The following PMM1 variants were observed in gnomAD, a reference collection of about 807,000 sequenced individuals.
PMM1 encodes brain glucose-1,6-bisphosphatase.
PMM1 carries 25 observed loss-of-function variants against 34.0 expected under a neutral mutation model. That is an observed-to-expected ratio of 0.73 (90% CI 0.54 to 1.03). The LOEUF (loss-of-function observed/expected upper bound fraction) is 1.03. Among genes scored for constraint, PMM1 ranks in the 50% least tolerant of loss-of-function variants. PMM1 has a pLI of 0.00. For synonymous variants in PMM1, 134 were observed against 143.9 expected, an observed-to-expected ratio of 0.93 and a Z score of 0.49; for missense variants, 321 against 350.1, an observed-to-expected ratio of 0.92 and a Z score of 0.66.
intron 5 of PMM1, 74 bp downstream of exon 5, chr22:41,583,885 G>T: frequency 1.1e-6 from 1 of 939,536 alleles, no homozygotes; most frequent in Non-Finnish European, 1.8e-6. Flanking sequence ...CTATTTTACT[G>T]ATGAGAAAAT....
chr22:41,584,440 C>CT, intron 3 of PMM1, 68 bp from the exon 4 acceptor site: 1 of 1,574,652 alleles, frequency 6.4e-7, no homozygotes, highest in Admixed American at 1.7e-5. Context: ...CACAGTGTCT[C>CT]TCCCCCAGCC....
intron 6 of PMM1, among the ~76,000 whole-genome samples, 169 bp downstream of exon 6, chr22:41,578,637 C>T (rs1209546904): frequency 6.6e-6 from 1 of 151,974 alleles, no homozygotes; most frequent in Non-Finnish European, 1.5e-5. Context: ...AACTGGGGGC[C>T]AGTAAACACT....
intron 5 of PMM1, 137 bp downstream of exon 5, chr22:41,583,822 C>T: frequency 1.5e-6 from 1 of 662,024 alleles, no homozygotes; most frequent in Non-Finnish European, 2.7e-6. Context: ...ACAACAATGG[C>T]ACACAGTAGG....
chr22:41,577,284 T>C lies in PMM1; in HGVS notation c.*34A>G, dbSNP rs1436193897. On this transcript the variant is annotated 3_prime_UTR_variant, in exon 8 of 8. Transcript: ENST00000216259. The stretch of plus-strand genomic sequence containing the variant: ...CTCTCTTTAGGCCTAGGCCAAACTC[T>C]TCAGAAGTCACGACACACAGATGTG... The C allele has an allele frequency of 6.2e-7, 1 of 1,612,022 alleles. No homozygotes were observed. Among genetic ancestry groups the C allele is most frequent in the Non-Finnish European group, 8.5e-7 (1 of 1,179,902 alleles).
Position 41,577,753 on chromosome 22 carries a change from C to T in PMM1, c.666+55G>A, listed in dbSNP as rs1235601258. 8 of 1,346,692 alleles carry T rather than the reference C, an allele frequency of 5.9e-6. No homozygotes were observed. The Admixed American group carries it at 8.5e-5, about 14-fold the overall frequency. 83.4% of individuals were successfully genotyped at this position (1,346,692 alleles called of 1,614,324 possible). A position where few individuals can be genotyped will look rare whatever the true frequency, so the allele number is the denominator to read the frequency against. ...GATTTGCATTGGAGAAGCCACCAGACCTGGCTTCTCACTGTCCACTGCGTT... is the reference window on the plus strand; with the variant it reads ...GATTTGCATTGGAGAAGCCACCAGATCTGGCTTCTCACTGTCCACTGCGTT... On this transcript the variant is annotated intron_variant, in intron 7 of 7. Coordinates refer to ENST00000216259, the MANE Select transcript of PMM1 (RefSeq NM_002676.3).
In PMM1 at chr22:41,589,764, G is replaced by T; in HGVS notation, c.42C>A (p.Val14=). Residue 14 remains valine, a synonymous_variant, in exon 1 of 8, where the codon GTC becomes GTA. Coordinates refer to ENST00000216259, the MANE Select transcript of PMM1 (RefSeq NM_002676.3). ...TCCCGTCCACGTCAAACAGGCAGAG[G>T]ACGCGCTCCTTCCTGCGGGCTGCCT... ...TAQAARRKER[V]LCLFDVDGTL... 3 of 1,611,602 alleles carry T rather than the reference G, an allele frequency of 1.9e-6. No homozygotes were observed. The highest frequency in any genetic ancestry group is 2.5e-6 in the Non-Finnish European group (3 of 1,179,462).
chr22:41,587,033 C>T lies in PMM1; in HGVS notation c.88-840G>A, dbSNP rs866603287. Among the ~76,000 whole-genome samples, 17 of 150,284 alleles carry T rather than the reference C, an allele frequency of 1.1e-4. No individual in the cohort carries two copies. The Middle Eastern group carries it at 0.014, about 121-fold the overall frequency. ...CTGTAATCCCAGCACTTTGGGAGGC[C>T]GAGGCGGGTGGATCACAAGGTCAGG... On this transcript the variant is annotated intron_variant, in intron 1 of 7. Coordinates refer to ENST00000216259, the MANE Select transcript of PMM1 (RefSeq NM_002676.3).
Position 41,589,817 on chromosome 22 carries a change from C to T in PMM1, c.-12G>A, listed in dbSNP as rs767905054. The T allele has an allele frequency of 1.9e-6, 3 of 1,595,418 alleles. No individual in the cohort carries two copies. The South Asian group carries it at 3.4e-5, about 18-fold the overall frequency. ...GCGGTGACTGCCATGGCTGCAGGTC[C>T]GCGCGCGGGGCGGAGTCCCGAAGAT... On this transcript the variant is annotated 5_prime_UTR_variant, in exon 1 of 8. Coordinates refer to ENST00000216259, the MANE Select transcript of PMM1 (RefSeq NM_002676.3).
rs938655233 is a variant in PMM1, at chr22:41,577,164, C to A, written c.*154G>T. 5.1e-6 allele frequency: 5 copies of A among 984,228 alleles called. No homozygotes were observed. Among genetic ancestry groups the A allele is most frequent in the East Asian group, 2.4e-5 (1 of 41,304 alleles). 61.0% of individuals were successfully genotyped at this position (984,228 alleles called of 1,614,324 possible). A position where few individuals can be genotyped will look rare whatever the true frequency, so the allele number is the denominator to read the frequency against. On this transcript the variant is annotated 3_prime_UTR_variant, in exon 8 of 8. Coordinates refer to ENST00000216259, the MANE Select transcript of PMM1 (RefSeq NM_002676.3). Reference sequence around the variant, plus strand: ...CCACTAGGAGCAGACTGGCTGGGGACGGTTGTCCACACAGACTCTGGCCCC... The same window carrying A: ...CCACTAGGAGCAGACTGGCTGGGGAAGGTTGTCCACACAGACTCTGGCCCC...
chr22:41,587,038 C>G (rs561661729), intron 1 of PMM1, among the ~76,000 whole-genome samples: 1 of 149,654 alleles, frequency 6.7e-6, no homozygotes, highest in African/African-American at 2.5e-5. Flanking sequence ...GAGGCCGAGG[C>G]GGGTGGATCA....
At chr22:41,580,369 G>A (rs1283021355) in intron 5 of PMM1, 2 of 152,218 alleles carry the variant, frequency 1.3e-5, no homozygotes, top group Non-Finnish European at 2.9e-5. Context: ...TGCCAGAAGG[G>A]AGCAAACAAG....
Position 41,586,114 on chromosome 22 carries a change from T to C in PMM1, c.167A>G (p.Tyr56Cys). 1.2e-6 allele frequency: 2 copies of C among 1,611,432 alleles called. No homozygotes were observed. Among genetic ancestry groups the C allele is most frequent in the South Asian group, 1.1e-5 (1 of 90,598 alleles). The stretch of plus-strand genomic sequence containing the variant: ...ACCCAGCTGCTCAGCGATCTTACAG[T>C]AGTCAGAGCCGCCCACCACACCGAT... ...VQIGVVGGSD[Y>C]CKIAEQLGDG... Residue 56 changes from tyrosine to cysteine, a missense_variant, in exon 2 of 8, where the codon TAC becomes TGC. By Grantham distance (194) the Tyr-to-Cys change is radical. Transcript: ENST00000216259.
At chr22:41,587,441 CAAAAAAAAAAAAAA>C (rs56954860) in intron 1 of PMM1, among the ~76,000 whole-genome samples, 1 of 76,784 alleles carries the variant, frequency 1.3e-5, no homozygotes, top group Non-Finnish European at 2.9e-5. Flanking sequence ...ATTTCATCTC[CAAAAAAAAAAAAAA>C]AAAAAGATAT....
intron 5 of PMM1, chr22:41,579,183 T>A (rs571011794): frequency 2.1e-5 from 8 of 380,452 alleles, no homozygotes; most frequent in Admixed American, 3.6e-5. Flanking sequence ...CGGGGCAATC[T>A]GGATCCCACA....
intron 1 of PMM1, among the ~76,000 whole-genome samples, chr22:41,587,281 G>GA (rs1184896331): frequency 7.4e-6 from 1 of 134,630 alleles, no homozygotes; most frequent in Non-Finnish European, 1.6e-5. Flanking sequence ...AAAAAAAAAA[G>GA]AAAAAAAAAT....
intron 2 of PMM1, 38 bp downstream of exon 2, chr22:41,586,038 A>C (rs1372625066): frequency 6.7e-7 from 1 of 1,484,598 alleles, no homozygotes; most frequent in African/African-American, 1.4e-5. Context: ...GGAATCTCTC[A>C]AACTCCCCAC....
In PMM1 at chr22:41,586,199, G is replaced by T. The variant is rs778969407; in HGVS notation, c.88-6C>A. The T allele has an allele frequency of 8.7e-6, 14 of 1,606,198 alleles. No homozygotes were observed. The highest frequency in any genetic ancestry group is 5.5e-5 in the South Asian group (5 of 90,904). On this transcript the variant is annotated splice_polypyrimidine_tract_variant and splice_region_variant and intron_variant, in intron 1 of 7. Transcript: ENST00000216259. Reference sequence around the variant, plus strand: ...GCCACCTCAGGGTCAATTTTCTATGGGGGGAGAGGGGAAGCATAGCATTCT... The same window carrying T: ...GCCACCTCAGGGTCAATTTTCTATGTGGGGAGAGGGGAAGCATAGCATTCT...
chr22:41,582,160 A>G lies in PMM1; in HGVS notation c.474+1799T>C, dbSNP rs575014268. 2.6e-5 allele frequency among the ~76,000 whole-genome samples: 4 copies of G among 152,068 alleles called. No homozygotes were observed. The South Asian group carries it at 6.2e-4, about 24-fold the overall frequency. Reference sequence around the variant, plus strand: ...CTCAGTCTCCAAAAAAAAAAAAACAAAAAAGGGTATTTCTTTGCGAGGTGC... The same window carrying G: ...CTCAGTCTCCAAAAAAAAAAAAACAGAAAAGGGTATTTCTTTGCGAGGTGC... On this transcript the variant is annotated intron_variant, in intron 5 of 7. Transcript: ENST00000216259.
Position 41,577,193 on chromosome 22 carries a change from TG to T in PMM1, c.*124del. The T allele has an allele frequency of 7.6e-7, 1 of 1,310,518 alleles. No individual in the cohort carries two copies. Among genetic ancestry groups the T allele is most frequent in the Non-Finnish European group, 1.1e-6 (1 of 921,780 alleles). 81.2% of individuals were successfully genotyped at this position (1,310,518 alleles called of 1,614,324 possible). On this transcript the variant is annotated 3_prime_UTR_variant, in exon 8 of 8. Transcript: ENST00000216259. Reference sequence around the variant, plus strand: ...TGTCCACACAGACTCTGGCCCCATCTGGGTGGGCTTGCAGCAGGCGTCCTGG... The same window carrying T: ...TGTCCACACAGACTCTGGCCCCATCTGGTGGGCTTGCAGCAGGCGTCCTGG...
Sources: gnomAD v4.1 joint callset for allele counts (sites outside exome capture counted in the v4.1 genomes callset) on GRCh38, gnomAD v4.1.1 for gene constraint, MANE v1.5 for transcripts, NCBI Gene and HGNC (gene_info 2026-07-23, HGNC 2026-07-21) for gene names.